GCH1: variants seen among roughly 807,000 people sequenced by gnomAD.
GCH1 encodes the protein GTP cyclohydrolase 1.
Under a neutral mutation model 25.9 loss-of-function variants are expected in GCH1, and 5 were observed. The observed-to-expected ratio is 0.19, with a 90% CI of 0.10 to 0.41. GCH1 has a LOEUF of 0.41. Ranked by LOEUF, GCH1 falls within the 10% of genes least tolerant of loss-of-function variation. The pLI is 1.00. For missense variants in GCH1, 261 were observed against 336.5 expected, an observed-to-expected ratio of 0.78 and a Z score of 1.75; for synonymous variants, 159 against 129.6, an observed-to-expected ratio of 1.23 and a Z score of -1.54.
At chr14:54,869,890 C>T (rs1042832817) in intron 1 of GCH1, among the ~76,000 whole-genome samples, 4 of 152,174 alleles carry the variant, frequency 2.6e-5, no homozygotes, top group Non-Finnish European at 4.4e-5. Flanking sequence ...CATGTAATAA[C>T]ATGGTTTGAG....
At chr14:54,873,555 A>G (rs574066257) in intron 1 of GCH1, among the ~76,000 whole-genome samples, 1 of 152,340 alleles carries the variant, frequency 6.6e-6, no homozygotes, top group Non-Finnish European at 1.5e-5. Flanking sequence ...TGAATCCAGG[A>G]GCTGGTTTTT....
intron 1 of GCH1, among the ~76,000 whole-genome samples, chr14:54,881,138 T>G (rs895683534): frequency 2.0e-5 from 3 of 152,044 alleles, no homozygotes; most frequent in African/African-American, 7.2e-5. Context: ...AAAAATATTT[T>G]TTTAAATTAA....
chr14:54,875,904 G>C (rs2040152671), intron 1 of GCH1, among the ~76,000 whole-genome samples: 2 of 152,204 alleles, frequency 1.3e-5, no homozygotes, highest in Non-Finnish European at 2.9e-5. Flanking sequence ...TAGTGGGACT[G>C]TAAACTAGTT....
At chr14:54,889,984 GT>G (rs777917818) in intron 1 of GCH1, among the ~76,000 whole-genome samples, 15 of 152,148 alleles carry the variant, frequency 9.9e-5, no homozygotes, top group Non-Finnish European at 2.1e-4. Flanking sequence ...TCAATCAAGT[GT>G]TTTTTGCAAG....
intron 1 of GCH1, among the ~76,000 whole-genome samples, chr14:54,896,753 A>T (rs2140119548): frequency 6.6e-6 from 1 of 151,384 alleles, no homozygotes; most frequent in East Asian, 2.0e-4. Flanking sequence ...TCTACTAAAA[A>T]AATACAAAAA....
chr14:54,860,280 T>C (rs752724242), intron 2 of GCH1, among the ~76,000 whole-genome samples: 19 of 152,160 alleles, frequency 1.2e-4, no homozygotes, highest in South Asian at 4.1e-4. Context: ...AATCTGAAAG[T>C]TTCTTCTTTA....
At chr14:54,896,370 C>A (rs1319728515) in intron 1 of GCH1, among the ~76,000 whole-genome samples, 1 of 152,144 alleles carries the variant, frequency 6.6e-6, no homozygotes, top group African/African-American at 2.4e-5. Context: ...CTTCTCCCTG[C>A]CATCCAGGTT....
chr14:54,897,290 C>T (rs1242335609), intron 1 of GCH1, among the ~76,000 whole-genome samples: 4 of 125,288 alleles, frequency 3.2e-5, no homozygotes, highest in African/African-American at 1.7e-4. Context: ...CCAACCTCTA[C>T]TCACTTTTTT....
Position 54,865,179 on chromosome 14 carries a change from T to G in GCH1, c.453+148A>C, listed in dbSNP as rs7156475. ...TGTTTTTTAAGTTTCAAGTTATTAG[T>G]CAGGTTAATAAAGAATAACCATATA... On this transcript the variant is annotated intron_variant, in intron 2 of 5. Transcript: ENST00000491895. 0.082 allele frequency: 46,619 copies of G among 567,896 alleles called. 2,768 individuals carry two copies. Among genetic ancestry groups the G allele is most frequent in the Non-Finnish European group, 0.11 (34,804 of 322,774 alleles). 35.2% of individuals were successfully genotyped at this position (567,896 alleles called of 1,614,324 possible). A position where few individuals can be genotyped will look rare whatever the true frequency, so the allele number is the denominator to read the frequency against.
chr14:54,845,584 C>T (rs1331693198), intron 5 of GCH1, among the ~76,000 whole-genome samples, 184 bp downstream of exon 5: 3 of 152,160 alleles, frequency 2.0e-5, no homozygotes, highest in Non-Finnish European at 2.9e-5. Flanking sequence ...CTCCCATATT[C>T]TGTTCCTATA....
rs149708399 is a variant in GCH1, at chr14:54,852,175, A to T, written c.510-5045T>A. On this transcript the variant is annotated intron_variant, in intron 3 of 5. Coordinates refer to ENST00000491895, the MANE Select transcript of GCH1 (RefSeq NM_000161.3). The stretch of plus-strand genomic sequence containing the variant: ...TTACTAAAACACTGAGAACAAAACA[A>T]ATTTTACCCTAGGCTAATTGATATA... 2.0e-4 allele frequency among the ~76,000 whole-genome samples: 30 copies of T among 152,302 alleles called. No homozygotes were observed. In the East Asian group the frequency reaches 5.6e-3, roughly 28 times the overall value.
rs538722646 is a variant in GCH1, at chr14:54,888,770, A to G, written c.343+13551T>C. Among the ~76,000 whole-genome samples the G allele has an allele frequency of 6.0e-5, 9 of 149,266 alleles. No homozygotes were observed. In the South Asian group the frequency reaches 1.1e-3, roughly 18 times the overall value. Reference sequence around the variant, plus strand: ...GATCTCCTGACCTGGTGATCTGCCCACCTCAGCCTCCCAAAGTGCTGGGAT... The same window carrying G: ...GATCTCCTGACCTGGTGATCTGCCCGCCTCAGCCTCCCAAAGTGCTGGGAT... On this transcript the variant is annotated intron_variant, in intron 1 of 5. Coordinates refer to ENST00000491895, the MANE Select transcript of GCH1 (RefSeq NM_000161.3).
At position 54,843,590 on chromosome 14, in the gene GCH1, T is replaced by C; in HGVS notation, c.*427A>G. ...CAGAGCAATACCGCACTAAATATTT[T>C]AGCACTTTCGGCACTACACCACTTT... On this transcript the variant is annotated 3_prime_UTR_variant, in exon 6 of 6. Coordinates refer to ENST00000491895, the MANE Select transcript of GCH1 (RefSeq NM_000161.3). 2.1e-6 allele frequency: 3 copies of C among 1,433,858 alleles called. No individual in the cohort carries two copies. Among genetic ancestry groups the C allele is most frequent in the Non-Finnish European group, 2.7e-6 (3 of 1,094,022 alleles). 88.8% of individuals were successfully genotyped at this position (1,433,858 alleles called of 1,614,324 possible).
chr14:54,843,158 G>T lies in GCH1; in HGVS notation c.*859C>A. 1 of 1,511,388 alleles carries T rather than the reference G, an allele frequency of 6.6e-7. No individual in the cohort carries two copies. The highest frequency in any genetic ancestry group is 8.9e-7 in the Non-Finnish European group (1 of 1,127,262). 93.6% of individuals were successfully genotyped at this position (1,511,388 alleles called of 1,614,324 possible). A position where few individuals can be genotyped will look rare whatever the true frequency, so the allele number is the denominator to read the frequency against. ...AGAAACATTTTGAGGCATCTACATG[G>T]ATCACACAAAGGAAACTCAATAAAC... is the stretch of plus-strand genomic sequence containing the variant. On this transcript the variant is annotated 3_prime_UTR_variant, in exon 6 of 6. Transcript: ENST00000491895.
chr14:54,866,310 T>TTA (rs1283351897), intron 1 of GCH1, among the ~76,000 whole-genome samples: 4 of 151,952 alleles, frequency 2.6e-5, no homozygotes, highest in African/African-American at 9.7e-5. Context: ...CCAATCATAA[T>TTA]ATAGCCAAGC....
chr14:54,850,984 T>C (rs1030747514), intron 3 of GCH1, among the ~76,000 whole-genome samples: 4 of 152,206 alleles, frequency 2.6e-5, no homozygotes, highest in Non-Finnish European at 4.4e-5. Context: ...CTTCAAACTA[T>C]ACTACAAGGC....
At chr14:54,857,969 A>G (rs1176177963) in intron 3 of GCH1, among the ~76,000 whole-genome samples, 1 of 152,194 alleles carries the variant, frequency 6.6e-6, no homozygotes, top group Admixed American at 6.5e-5. Flanking sequence ...AGCCCTATCT[A>G]ATAGCAAAAT....
chr14:54,901,168 T>G (rs1386699635), intron 1 of GCH1, among the ~76,000 whole-genome samples: 1 of 151,482 alleles, frequency 6.6e-6, no homozygotes, highest in African/African-American at 2.4e-5. Flanking sequence ...CAGGGTCTAT[T>G]TGGTGGAATC....
chr14:54,854,731 G>C (rs763765805), intron 3 of GCH1, among the ~76,000 whole-genome samples: 13 of 152,160 alleles, frequency 8.5e-5, no homozygotes, highest in Non-Finnish European at 1.8e-4. Context: ...CTAAGAACAG[G>C]AAGTGTCTGA....
Sources: allele counts gnomAD v4.1 joint callset (sites outside exome capture counted in the v4.1 genomes callset), GRCh38; gene constraint gnomAD v4.1.1; transcripts MANE v1.5; gene names NCBI Gene and HGNC (gene_info 2026-07-23, HGNC 2026-07-21).